Variants in MYL5 observed in about 807,000 individuals in gnomAD.
MYL5 encodes myosin regulatory light chain 5.
A neutral mutation model predicts 20.8 loss-of-function variants in MYL5; 28 were observed. The ratio of observed to expected loss-of-function variants is 1.35; its 90% CI spans 1.00 to 1.84. The LOEUF is 1.84. Among genes scored for constraint, MYL5 ranks in the 40% most tolerant of loss-of-function variants. The pLI is 0.00. For synonymous variants in MYL5, 118 were observed against 87.4 expected, an observed-to-expected ratio of 1.35 and a Z score of -1.95; for missense variants, 274 against 227.3, an observed-to-expected ratio of 1.21 and a Z score of -1.32.
chr4:678,349 C>T, intron 1 of MYL5: 2 of 1,414,360 alleles, frequency 1.4e-6, no homozygotes, highest in Non-Finnish European at 1.8e-6. Flanking sequence ...GTCCACTTGC[C>T]CCTCAAGCCT....
At chr4:677,720 GAC>G, upstream of MYL5, among the ~76,000 whole-genome samples, 1 of 152,296 alleles carries the variant, frequency 6.6e-6, no homozygotes, top group East Asian at 1.9e-4. Flanking sequence ...TGGCCCTGCT[GAC>G]ACACAGAATC....
At chr4:680,265 C>T (rs952949640) in intron 4 of MYL5, among the ~76,000 whole-genome samples, 12 of 152,282 alleles carry the variant, frequency 7.9e-5, no homozygotes, top group African/African-American at 2.9e-4. Context: ...AGCACTCACC[C>T]CCAGCTCCAG....
At chr4:678,542 C>T in intron 1 of MYL5, 116 bp from the exon 4 acceptor site, 7 of 1,470,540 alleles carry the variant, frequency 4.8e-6, no homozygotes, top group Non-Finnish European at 5.4e-6. Context: ...TGGCCCCCTC[C>T]AGCCCGAAGG....
chr4:680,996 C>A, intron 5 of MYL5, 96 bp from the exon 8 acceptor site: 1 of 1,360,408 alleles, frequency 7.4e-7, no homozygotes, highest in Non-Finnish European at 1.0e-6. Flanking sequence ...GTGCAGTGAG[C>A]GAGTACAACC....
chr4:680,942 G>T lies in MYL5; in HGVS notation c.372-150G>T, dbSNP rs1577337868. The T allele has an allele frequency of 4.6e-6, 4 of 874,808 alleles. No homozygotes were observed. The East Asian group carries it at 7.9e-5, about 17-fold the overall frequency. The allele number at this position is 874,808 out of a possible 1,614,324, so 54.2% of individuals were successfully genotyped here. ...GTGATGGCCCCTGAGTGTGTGTTGG[G>T]AAGGGACCTGCCCCAGGGCCACACT... On this transcript the variant is annotated intron_variant, in intron 5 of 6. Transcript: ENST00000400159.
chr4:679,302 G>A (rs1286679555), intron 3 of MYL5: 18 of 593,570 alleles, frequency 3.0e-5, no homozygotes, highest in Non-Finnish European at 4.8e-5. Flanking sequence ...TCCAGGGAGG[G>A]GCTGACTCTC....
upstream of MYL5, among the ~76,000 whole-genome samples, chr4:677,761 C>T (rs568870850): frequency 3.9e-5 from 6 of 152,084 alleles, no homozygotes; most frequent in African/African-American, 7.2e-5. Context: ...CCCCGGGGTT[C>T]GGGGACAGGT....
chr4:674,815 A>G (rs1024035453), upstream of MYL5: 1 of 155,472 alleles, frequency 6.4e-6, no homozygotes, highest in African/African-American at 2.4e-5. Flanking sequence ...TCCTTCTCCT[A>G]CAAGGCAGTA....
intron 1 of MYL5, 120 bp from the exon 4 acceptor site, chr4:678,538 C>T: frequency 1.4e-6 from 2 of 1,467,902 alleles, no homozygotes; most frequent in Non-Finnish European, 1.8e-6. Context: ...TGTCTGGCCC[C>T]CTCCAGCCCG....
intron 3 of MYL5, chr4:679,260 G>A: frequency 4.6e-6 from 3 of 649,758 alleles, no homozygotes; most frequent in Admixed American, 2.6e-5. Context: ...GCCCAAGCCT[G>A]GAAACTCAGA....
At chr4:680,007 A>G in exon 4 of MYL5, 1 of 1,612,660 alleles carries the variant, frequency 6.2e-7, no homozygotes, top group South Asian at 1.1e-5. Context: ...CTGTTTGGGG[A>G]GAAGCTGAGC....
intron 1 of MYL5, 70 bp downstream of exon 3, chr4:678,099 G>A (rs939036510): frequency 9.4e-6 from 15 of 1,587,344 alleles, no homozygotes; most frequent in South Asian, 4.5e-5. Flanking sequence ...GTGTACATGC[G>A]CACAGACGAG....
intron 5 of MYL5, 36 bp from the exon 8 acceptor site, chr4:681,056 G>A (rs1400268758): frequency 3.8e-6 from 6 of 1,570,532 alleles, no homozygotes; most frequent in Non-Finnish European, 5.2e-6. Context: ...CTGCACCCCC[G>A]CATCAGCCCG....
upstream of MYL5, chr4:674,625 C>T: frequency 3.2e-6 from 1 of 314,212 alleles, no homozygotes. Flanking sequence ...TGTGTCCACA[C>T]CCCAGACTGC....
At chr4:680,225 G>A (rs778811402) in intron 4 of MYL5, among the ~76,000 whole-genome samples, 3 of 152,132 alleles carry the variant, frequency 2.0e-5, no homozygotes, top group Non-Finnish European at 4.4e-5. Context: ...TGTGTGACCC[G>A]CCGTCGACAC....
chr4:680,948 A>G (rs1197648780), intron 5 of MYL5, 144 bp from the exon 8 acceptor site: 1 of 918,610 alleles, frequency 1.1e-6, no homozygotes, highest in East Asian at 2.6e-5. Context: ...TTGGGAAGGG[A>G]CCTGCCCCAG....
At chr4:681,914 G>A (rs759762021) in exon 7 of MYL5, 8 of 1,318,832 alleles carry the variant, frequency 6.1e-6, no homozygotes, top group Non-Finnish European at 6.8e-6. Context: ...GTTCCAGTTC[G>A]CCTCCATCGA....
chr4:674,581 T>C (rs2109306678), upstream of MYL5: 1 of 400,622 alleles, frequency 2.5e-6, no homozygotes, highest in Non-Finnish European at 4.5e-6. Context: ...TTCCCCGCGC[T>C]GCTGCCGAGG....
At chr4:681,831 C>G in intron 6 of MYL5, 62 bp from the exon 9 acceptor site, 2 of 1,282,230 alleles carry the variant, frequency 1.6e-6, no homozygotes, top group Non-Finnish European at 2.0e-6. Flanking sequence ...GGGGCCGCTG[C>G]AGGTGCGCGC....
Sources: gnomAD v4.1 joint callset for allele counts (sites outside exome capture counted in the v4.1 genomes callset) on GRCh38, gnomAD v4.1.1 for gene constraint, MANE v1.5 for transcripts, NCBI Gene and HGNC (gene_info 2026-07-23, HGNC 2026-07-21) for gene names.